Variants in AATK observed in about 807,000 individuals in gnomAD.
AATK encodes the protein lemur tail kinase 1, also known as serine/threonine-protein kinase LMTK1.
A neutral mutation model predicts 114.3 loss-of-function variants in AATK; 91 were observed. The ratio of observed to expected loss-of-function variants is 0.80; its 90% CI spans 0.67 to 0.95. The LOEUF (loss-of-function observed/expected upper bound fraction) is 0.95. Among genes scored for constraint, AATK ranks in the 40% least tolerant of loss-of-function variants. AATK has a pLI of 0.00. For missense variants in AATK, 2,176 were observed against 1,965.2 expected, an observed-to-expected ratio of 1.11 and a Z score of -2.03; for synonymous variants, 1,075 against 916.5, an observed-to-expected ratio of 1.17 and a Z score of -3.12.
rs1287422532 is a variant in AATK, at chr17:81,117,367, C to CAAACA, written c.*1030_*1034dup. On this transcript the variant is annotated 3_prime_UTR_variant, in exon 14 of 14. Coordinates refer to ENST00000326724, the MANE Select transcript of AATK (RefSeq NM_001080395.3). ...AACATTGCACCAGCGTTCTAAGCCT[C>CAAACA]AAACAAAACACAAAACAAATCCCCC... is the stretch of plus-strand genomic sequence containing the variant. 3.9e-5 allele frequency: 6 copies of CAAACA among 152,314 alleles called. No homozygotes were observed. Among genetic ancestry groups the CAAACA allele is most frequent in the African/African-American group, 1.4e-4 (6 of 41,460 alleles). 9.4% of individuals were successfully genotyped at this position (152,314 alleles called of 1,614,324 possible). A position where few individuals can be genotyped will look rare whatever the true frequency, so the allele number is the denominator to read the frequency against.
chr17:81,128,401 G>A, intron 4 of AATK, 69 bp downstream of exon 4: 1 of 1,525,502 alleles, frequency 6.6e-7, no homozygotes. Flanking sequence ...CCTAGGAGGA[G>A]CAGGTCTGCA....
chr17:81,123,170 G>A (rs763948056), intron 10 of AATK, 24 bp downstream of exon 10: 27 of 1,416,380 alleles, frequency 1.9e-5, no homozygotes, highest in African/African-American at 3.0e-5. Context: ...CTGGCTGTCC[G>A]GGACAGGGCA....
intron 9 of AATK, among the ~76,000 whole-genome samples, chr17:81,123,980 G>A (rs2146294137): frequency 6.6e-6 from 1 of 152,310 alleles, no homozygotes; most frequent in South Asian, 2.1e-4. Flanking sequence ...GGAGACCCCA[G>A]CCAGCGTGCA....
chr17:81,165,857 C>A, intron 1 of AATK, 81 bp downstream of exon 1: 3 of 1,532,716 alleles, frequency 2.0e-6, no homozygotes, highest in Admixed American at 4.1e-5. Context: ...TCCATGCAAA[C>A]CGGGAGCCGT....
intron 1 of AATK, among the ~76,000 whole-genome samples, chr17:81,140,236 G>T (rs903272303): frequency 6.6e-6 from 1 of 152,288 alleles, no homozygotes; most frequent in Middle Eastern, 3.4e-3. Flanking sequence ...GCACTCTGCC[G>T]TGAGGGAAGG....
chr17:81,141,882 TTTTC>T (rs1309970336), intron 1 of AATK, among the ~76,000 whole-genome samples: 21 of 152,240 alleles, frequency 1.4e-4, no homozygotes, highest in East Asian at 1.9e-4. Context: ...TACTTACTTT[TTTTC>T]TTTCTTTCTT....
At chr17:81,136,979 C>T (rs539661686) in intron 1 of AATK, among the ~76,000 whole-genome samples, 7 of 152,270 alleles carry the variant, frequency 4.6e-5, no homozygotes, top group African/African-American at 1.2e-4. Context: ...CCACCCTTGC[C>T]GGGCGCGGTG....
At chr17:81,128,146 CT>C (rs1394970501) in intron 4 of AATK, among the ~76,000 whole-genome samples, 13 of 49,130 alleles carry the variant, frequency 2.6e-4, no homozygotes, top group Non-Finnish European at 4.4e-4. Flanking sequence ...CCGCTGCCCT[CT>C]CTCTCTCTCT....
Position 81,150,339 on chromosome 17 carries a change from C to A in AATK, c.55+15599G>T, listed in dbSNP as rs1051936526. The stretch of plus-strand genomic sequence containing the variant: ...ACGCTGGGTGGGGACAGGCGCCCCA[C>A]TCCCACATTCTAGTGCTCCCCCCCA... On this transcript the variant is annotated intron_variant, in intron 1 of 13. Transcript: ENST00000326724. 7.9e-5 allele frequency among the ~76,000 whole-genome samples: 12 copies of A among 151,884 alleles called. 1 individual carries two copies. Among genetic ancestry groups the A allele is most frequent in the Admixed American group, 7.9e-4 (12 of 15,258 alleles).
At chr17:81,147,640 C>T (rs2061239700) in intron 1 of AATK, among the ~76,000 whole-genome samples, 1 of 151,990 alleles carries the variant, frequency 6.6e-6, no homozygotes, top group Admixed American at 6.6e-5. Context: ...CCTGTGGTCC[C>T]AGCTACTCCG....
intron 3 of AATK, 59 bp from the exon 4 acceptor site, chr17:81,128,608 C>A: frequency 6.5e-7 from 1 of 1,543,980 alleles, no homozygotes; most frequent in Non-Finnish European, 8.7e-7. Flanking sequence ...CCAGCTTCCT[C>A]ACCCGGCCCC....
Position 81,134,460 on chromosome 17 carries a change from C to G in AATK, c.97G>C (p.Ala33Pro). Reference protein sequence around the residue: ...LSELSWPSSLAVVAVSFSGLF... With the variant: ...LSELSWPSSLPVVAVSFSGLF... ...CCGGAGAAAGACACAGCCACCACGG[C>G]GAGGGAGGATGGCCAGGACAGCTCG... Residue 33 changes from alanine to proline, a missense_variant, in exon 2 of 14, where the codon GCC (alanine) becomes CCC (proline). Ala to Pro is a conservative substitution (Grantham distance 27, BLOSUM62 -1). Coordinates refer to ENST00000326724, the MANE Select transcript of AATK (RefSeq NM_001080395.3). 1 of 1,613,116 alleles carries G rather than the reference C, an allele frequency of 6.2e-7. No homozygotes were observed. Among genetic ancestry groups the G allele is most frequent in the Non-Finnish European group, 8.5e-7 (1 of 1,179,748 alleles).
Position 81,127,813 on chromosome 17 carries a change from A to C in AATK, c.512T>G (p.Leu171Arg). ...SASVQEQMQF[L>R]EEVQPYRALK... Reference sequence around the variant, plus strand: ...CCACCTGTAGGGCTGCACCTCCTCCAGGAACTGCATCTGCTCCTGCACGCT... The same window carrying C: ...CCACCTGTAGGGCTGCACCTCCTCCCGGAACTGCATCTGCTCCTGCACGCT... The change falls in exon 5 of 14, where the codon CTG (leucine) becomes CGG (arginine). Residue 171 changes from leucine to arginine, a missense_variant. Coordinates refer to ENST00000326724, the MANE Select transcript of AATK (RefSeq NM_001080395.3). The C allele has an allele frequency of 6.5e-7, 1 of 1,534,170 alleles. No homozygotes were observed. The highest frequency in any genetic ancestry group is 8.8e-7 in the Non-Finnish European group (1 of 1,133,502).
At chr17:81,157,637 G>A (rs887234251) in intron 1 of AATK, among the ~76,000 whole-genome samples, 5 of 152,156 alleles carry the variant, frequency 3.3e-5, no homozygotes, top group African/African-American at 1.2e-4. Flanking sequence ...CACAAGGAAT[G>A]TCCCCTCTGT....
At chr17:81,140,928 T>TG (rs2061126159) in intron 1 of AATK, among the ~76,000 whole-genome samples, 1 of 69,344 alleles carries the variant, frequency 1.4e-5, no homozygotes, top group African/African-American at 5.5e-5. Context: ...CGTGGGACCG[T>TG]GGGACCATGG....
intron 1 of AATK, among the ~76,000 whole-genome samples, chr17:81,145,211 C>T (rs1448955585): frequency 7.0e-6 from 1 of 142,422 alleles, no homozygotes; most frequent in Non-Finnish European, 1.5e-5. Context: ...CCTGCCTGGG[C>T]TATCGATAGA....
chr17:81,146,444 G>A (rs1356702796), intron 1 of AATK, among the ~76,000 whole-genome samples: 3 of 152,202 alleles, frequency 2.0e-5, no homozygotes, highest in African/African-American at 4.8e-5. Flanking sequence ...GGCAGGGCAC[G>A]GTGGCTCACA....
intron 2 of AATK, chr17:81,133,054 C>T (rs1305827252): frequency 1.5e-5 from 5 of 324,940 alleles, no homozygotes; most frequent in South Asian, 4.4e-5. Flanking sequence ...AAGGCGCCTG[C>T]GCGGCCTGGC....
chr17:81,120,864 C>T lies in AATK; in HGVS notation c.3072G>A (p.Glu1024=), dbSNP rs1186766335. Residue 1024 remains glutamate (E), a synonymous_variant, in exon 11 of 14, where the codon GAG becomes GAA. Coordinates refer to ENST00000326724, the MANE Select transcript of AATK (RefSeq NM_001080395.3). ...GCTGCCCAGTGCTCGGCAGGCCCAGCTCTGGCCCGGGGGCTCGGTCCCCGC... is the reference window on the plus strand; with the variant it reads ...GCTGCCCAGTGCTCGGCAGGCCCAGTTCTGGCCCGGGGGCTCGGTCCCCGC... The part of the protein sequence containing the change: ...KCGGDRAPGP[E]LGLPSTGQPS... The T allele has an allele frequency of 6.3e-7, 1 of 1,578,642 alleles. No individual in the cohort carries two copies. Among genetic ancestry groups the T allele is most frequent in the South Asian group, 1.2e-5 (1 of 86,884 alleles).
Sources: allele counts gnomAD v4.1 joint callset (sites outside exome capture counted in the v4.1 genomes callset), GRCh38; gene constraint gnomAD v4.1.1; transcripts MANE v1.5; gene names NCBI Gene and HGNC (gene_info 2026-07-23, HGNC 2026-07-21).